The following DNAAF5 variants were observed in gnomAD, a reference collection of about 807,000 sequenced individuals.
The protein encoded by DNAAF5 is HEAT repeat containing 2.
A neutral mutation model predicts 75.8 loss-of-function variants in DNAAF5; 64 were observed. That is an observed-to-expected ratio of 0.84 (90% CI 0.69 to 1.04). The LOEUF is 1.04. DNAAF5 is among the 50% of genes least tolerant of loss of function. The pLI, the probability that DNAAF5 is intolerant of heterozygous loss-of-function variation, is 0.00. For missense variants in DNAAF5, 1,269 were observed against 1,178.5 expected (o/e 1.08, Z -1.12); for synonymous variants, 657 against 557.2 (o/e 1.18, Z -2.52).
Position 780,011 on chromosome 7 carries a change from C to G in DNAAF5, c.2298C>G (p.Thr766=), listed in dbSNP as rs1196771377. ...SNDVRMAAAS[T]LVTWLQCVKG... ...ATGTGAGGATGGCAGCCGCCTCCAC[C>G]TTGGTCACCTGGCTGCAGTGTGTCA... is the stretch of plus-strand genomic sequence containing the variant. Residue 766 remains threonine, a synonymous_variant, in exon 12 of 13, where the codon ACC becomes ACG. Coordinates refer to ENST00000297440, the MANE Select transcript of DNAAF5 (RefSeq NM_017802.4). 2 of 1,614,248 alleles carry G rather than the reference C, an allele frequency of 1.2e-6. No homozygotes were observed. Among genetic ancestry groups the G allele is most frequent in the South Asian group, 2.2e-5 (2 of 91,080 alleles).
intron 2 of DNAAF5, among the ~76,000 whole-genome samples, chr7:736,812 A>AT (rs1781752938): frequency 1.3e-5 from 2 of 151,548 alleles, no homozygotes; most frequent in Non-Finnish European, 2.9e-5. Context: ...TTTTATGAAG[A>AT]TGATTTTCTC....
rs908267019 is a variant in DNAAF5, at chr7:754,640, A to G, written c.1076A>G (p.Lys359Arg). 1.2e-6 allele frequency: 2 copies of G among 1,614,112 alleles called. No homozygotes were observed. Among genetic ancestry groups the G allele is most frequent in the Admixed American group, 3.3e-5 (2 of 60,018 alleles). Residue 359 changes from lysine to arginine, a missense_variant, in exon 5 of 13, where the codon AAG becomes AGG. Lys to Arg is a conservative substitution (Grantham distance 26). Coordinates refer to ENST00000297440, the MANE Select transcript of DNAAF5 (RefSeq NM_017802.4). The surrounding 1 kb of genome is among the most constrained non-coding windows in gnomAD (Gnocchi z 4.8). ...GAGCTCGTCTTCAGGAACCTCTCCAAGATCCTCCCTGCCCTGTGCCACGAC... is the reference window on the plus strand; with the variant it reads ...GAGCTCGTCTTCAGGAACCTCTCCAGGATCCTCCCTGCCCTGTGCCACGAC... ...CRELVFRNLS[K>R]ILPALCHDIT...
chr7:760,551 A>C (rs565084729), intron 6 of DNAAF5, among the ~76,000 whole-genome samples: 31 of 152,346 alleles, frequency 2.0e-4, no homozygotes, highest in African/African-American at 6.7e-4. Context: ...TTGAGAGGCC[A>C]CGGCAGGAGG....
In DNAAF5 at chr7:741,327, G is replaced by A; in HGVS notation, c.906-20G>A. The A allele has an allele frequency of 6.4e-7, 1 of 1,570,044 alleles. No individual in the cohort carries two copies. The highest frequency in any genetic ancestry group is 8.7e-7 in the Non-Finnish European group (1 of 1,153,046). On this transcript the variant is annotated intron_variant, in intron 3 of 12. Coordinates refer to ENST00000297440, the MANE Select transcript of DNAAF5 (RefSeq NM_017802.4). Reference sequence around the variant, plus strand: ...GCGTGCCCTGCCCTGAGCCACTGTTGTCTGTCTGTTGTGCCTCAGGCAGCT... The same window carrying A: ...GCGTGCCCTGCCCTGAGCCACTGTTATCTGTCTGTTGTGCCTCAGGCAGCT...
chr7:746,235 C>T (rs887683036), intron 4 of DNAAF5, among the ~76,000 whole-genome samples: 6 of 151,514 alleles, frequency 4.0e-5, no homozygotes, highest in Admixed American at 1.3e-4. Flanking sequence ...CCCCGCCTGC[C>T]GTGCCCAGGG....
chr7:745,254 C>T (rs1263518935), intron 4 of DNAAF5, among the ~76,000 whole-genome samples: 1 of 152,194 alleles, frequency 6.6e-6, no homozygotes. Context: ...CAGTGGAAGA[C>T]CCTTCAGGTG....
chr7:763,972 C>A lies in DNAAF5; in HGVS notation c.1781C>A (p.Ser594Ter). 6.2e-7 allele frequency: 1 copy of A among 1,602,574 alleles called. No homozygotes were observed. Among genetic ancestry groups the A allele is most frequent in the Non-Finnish European group, 8.5e-7 (1 of 1,179,916 alleles). The change falls in exon 8 of 13, where the codon TCA (serine) becomes TAA (stop). Residue 594 changes from serine to a stop codon, truncating the protein, a stop_gained and splice_region_variant. Coordinates refer to ENST00000297440, the MANE Select transcript of DNAAF5 (RefSeq NM_017802.4). LOFTEE classifies it high-confidence loss of function. ...LLQFSVIVAQ[S>*]GPALGEALPH... ...CAGTTCAGTGTCATCGTCGCACAGT[C>A]AGGTGAGCCGTCCCGACAGCTGGCG...
chr7:740,677 AGGCGGTGGTAGGT>A, intron 2 of DNAAF5, 129 bp from the exon 3 acceptor site: 1 of 1,187,730 alleles, frequency 8.4e-7, no homozygotes, highest in Non-Finnish European at 1.2e-6. Flanking sequence ...GATGGCATCT[AGGCGGTGGTAGGT>A]GGCCCAGGAC....
intron 6 of DNAAF5, among the ~76,000 whole-genome samples, chr7:758,935 G>A (rs576717620): frequency 1.8e-4 from 27 of 152,106 alleles, no homozygotes; most frequent in African/African-American, 5.8e-4. Context: ...AGCCCACCTC[G>A]GCCTCCCAAA....
intron 12 of DNAAF5, among the ~76,000 whole-genome samples, chr7:783,670 G>T (rs1779054386): frequency 6.6e-6 from 1 of 152,210 alleles, no homozygotes; most frequent in African/African-American, 2.4e-5. Context: ...CAGCTCACGT[G>T]CAGGCCTCGC....
intron 8 of DNAAF5, among the ~76,000 whole-genome samples, chr7:768,248 G>T (rs1189224129): frequency 2.1e-5 from 3 of 143,578 alleles, no homozygotes; most frequent in African/African-American, 7.9e-5. Flanking sequence ...GGAAGTGTCC[G>T]TGCTGCGAGG....
intron 8 of DNAAF5, among the ~76,000 whole-genome samples, 196 bp from the exon 9 acceptor site, chr7:770,275 C>T (rs1459970590): frequency 2.0e-5 from 3 of 152,292 alleles, no homozygotes; most frequent in South Asian, 2.1e-4. Context: ...TATGGAAAAA[C>T]GTGATTTTGG....
rs549003441 is a variant in DNAAF5, at chr7:774,725, C to T, written c.2083-281C>T. Among the ~76,000 whole-genome samples the T allele has an allele frequency of 3.3e-5, 5 of 152,200 alleles. No individual in the cohort carries two copies. In the East Asian group the frequency reaches 7.7e-4, roughly 24 times the overall value. On this transcript the variant is annotated intron_variant, in intron 10 of 12. Coordinates refer to ENST00000297440, the MANE Select transcript of DNAAF5 (RefSeq NM_017802.4). Reference sequence around the variant, plus strand: ...CGGGGTGGTGCGGTCGGTGCTCCAGCCGAAAGCCCCACGTCCTTGGGGCCC... The same window carrying T: ...CGGGGTGGTGCGGTCGGTGCTCCAGTCGAAAGCCCCACGTCCTTGGGGCCC...
intron 1 of DNAAF5, 95 bp from the exon 2 acceptor site, chr7:729,568 A>G: frequency 8.5e-7 from 1 of 1,173,258 alleles, no homozygotes. Flanking sequence ...GGAGGTGAGG[A>G]ACTCATAGGC....
At chr7:752,291 C>T (rs1252337119) in intron 4 of DNAAF5, among the ~76,000 whole-genome samples, 3 of 152,014 alleles carry the variant, frequency 2.0e-5, no homozygotes, top group Admixed American at 6.6e-5. Flanking sequence ...AGAGCTAGGG[C>T]GAAGCCTTTG....
intron 2 of DNAAF5, among the ~76,000 whole-genome samples, chr7:739,509 C>A (rs1207953789): frequency 6.6e-6 from 1 of 152,230 alleles, no homozygotes; most frequent in Non-Finnish European, 1.5e-5. Context: ...TTTGTGGTTG[C>A]TAGTAAGGCC....
intron 11 of DNAAF5, among the ~76,000 whole-genome samples, chr7:779,555 G>A (rs1778868789): frequency 6.6e-6 from 1 of 152,160 alleles, no homozygotes; most frequent in Non-Finnish European, 1.5e-5. Flanking sequence ...CTGGTGGGAG[G>A]GCAGGGTCAG....
chr7:743,802 G>A lies in DNAAF5; in HGVS notation c.1024+2337G>A, dbSNP rs911378591. On this transcript the variant is annotated intron_variant, in intron 4 of 12. Coordinates refer to ENST00000297440, the MANE Select transcript of DNAAF5 (RefSeq NM_017802.4). ...TGGGATTACAGGCACTCACCACCAC[G>A]CCCAGCTAATTTTGTATTTTTAGTT... is the stretch of plus-strand genomic sequence containing the variant. Among the ~76,000 whole-genome samples, 8 of 151,398 alleles carry A rather than the reference G, an allele frequency of 5.3e-5. No individual in the cohort carries two copies. The South Asian group carries it at 6.3e-4, about 12-fold the overall frequency.
At chr7:731,768 C>T (rs768335440) in intron 2 of DNAAF5, among the ~76,000 whole-genome samples, 28 of 152,114 alleles carry the variant, frequency 1.8e-4, no homozygotes, top group African/African-American at 2.7e-4. Flanking sequence ...CAGCATGGCC[C>T]GTTTCTTCCC....
Sources: gnomAD v4.1 joint callset for allele counts (sites outside exome capture counted in the v4.1 genomes callset) on GRCh38, gnomAD v4.1.1 for gene constraint, Gnocchi (gnomAD v3.1) non-coding constraint, MANE v1.5 for transcripts, NCBI Gene and HGNC (gene_info 2026-07-23, HGNC 2026-07-21) for gene names.